MTSS1: variants seen among roughly 807,000 people sequenced by gnomAD.
The protein encoded by MTSS1 is protein MTSS 1.
MTSS1 carries 18 observed loss-of-function variants against 79.0 expected under a neutral mutation model. That is an observed-to-expected ratio of 0.23 (90% confidence interval 0.16 to 0.34). The LOEUF (loss-of-function observed/expected upper bound fraction) is 0.34, where lower values mean the gene tolerates loss of function less well. MTSS1 is among the 10% of genes least tolerant of loss of function. The probability of loss-of-function intolerance (pLI) is 1.00; values close to 1 mark genes in which losing one functional copy is unlikely to be tolerated. For missense variants in MTSS1, 815 were observed against 986.2 expected, an observed-to-expected ratio of 0.83 and a Z score of 2.33; for synonymous variants, 341 against 368.6, an observed-to-expected ratio of 0.93 and a Z score of 0.86.
chr8:124,691,868 T>C (rs1387937550), intron 3 of MTSS1, among the ~76,000 whole-genome samples: 1 of 152,168 alleles, frequency 6.6e-6, no homozygotes, highest in Non-Finnish European at 1.5e-5. Flanking sequence ...CATTCCTTTA[T>C]GGTAATATTC....
rs978992107 is a variant in MTSS1, at chr8:124,551,167, C to T, written c.*1825G>A. 1 of 152,576 alleles carries T rather than the reference C, an allele frequency of 6.6e-6. No individual in the cohort carries two copies. The highest frequency in any genetic ancestry group is 1.5e-5 in the Non-Finnish European group (1 of 68,028). The allele number at this position is 152,576 out of a possible 1,614,324, so 9.5% of individuals were successfully genotyped here. ...TTTATTTCAAAGGTTTAAAATACCACTTTTATCTATTGTGATTACCTTGCA... is the reference window on the plus strand; with the variant it reads ...TTTATTTCAAAGGTTTAAAATACCATTTTTATCTATTGTGATTACCTTGCA... On this transcript the variant is annotated 3_prime_UTR_variant, in exon 14 of 14. Transcript: ENST00000518547.
At chr8:124,691,811 C>T (rs755694379) in intron 3 of MTSS1, among the ~76,000 whole-genome samples, 132 of 152,270 alleles carry the variant, frequency 8.7e-4, no homozygotes, top group South Asian at 1.7e-3. Flanking sequence ...CCACCGCATC[C>T]GGCTGATATA....
chr8:124,634,365 T>C (rs1385160825), intron 3 of MTSS1, among the ~76,000 whole-genome samples: 6 of 151,976 alleles, frequency 3.9e-5, no homozygotes, highest in Admixed American at 3.9e-4. Flanking sequence ...CAGGCTGGTC[T>C]CAAACTCCTC....
At chr8:124,602,188 C>CATACATATATATATATATATATAT (rs1554665864) in intron 3 of MTSS1, among the ~76,000 whole-genome samples, 4 of 116,786 alleles carry the variant, frequency 3.4e-5, no homozygotes, top group African/African-American at 1.7e-4. Flanking sequence ...CATATATATA[C>CATACATATATATATATATATATAT]ATATATATAT....
chr8:124,718,168 G>A (rs1253499076), intron 1 of MTSS1, among the ~76,000 whole-genome samples: 1 of 151,474 alleles, frequency 6.6e-6, no homozygotes, highest in South Asian at 2.1e-4. Context: ...TTACTTAACT[G>A]AAGTTTCTAG....
rs1263672151 is a variant in MTSS1, at chr8:124,727,643, G to A, written c.72+241C>T. On this transcript the variant is annotated intron_variant, in intron 1 of 13. Coordinates refer to ENST00000518547, the MANE Select transcript of MTSS1 (RefSeq NM_014751.6). The surrounding 1 kb of genome is among the most constrained non-coding windows in gnomAD (Gnocchi z 4.7). Reference sequence around the variant, plus strand: ...AAATGGTGCCGCCCCCTGGGACAATGAGCGGGGGAGATGGCGTGGGACAGC... The same window carrying A: ...AAATGGTGCCGCCCCCTGGGACAATAAGCGGGGGAGATGGCGTGGGACAGC... 3.1e-6 allele frequency: 2 copies of A among 655,212 alleles called. No homozygotes were observed. The highest frequency in any genetic ancestry group is 5.6e-6 in the Non-Finnish European group (2 of 354,702). The allele number at this position is 655,212 out of a possible 1,614,324, so 40.6% of individuals were successfully genotyped here.
At chr8:124,703,701 G>C (rs950612814) in intron 2 of MTSS1, among the ~76,000 whole-genome samples, 27 of 152,308 alleles carry the variant, frequency 1.8e-4, no homozygotes, top group African/African-American at 6.3e-4. Context: ...CCATTTAGTA[G>C]TGATGTGACT....
rs146742280 is a variant in MTSS1, at chr8:124,556,332, G to T, written c.1304C>A (p.Pro435Gln). The T allele has an allele frequency of 5.0e-6, 8 of 1,614,052 alleles. No homozygotes were observed. The African/African-American group carries it at 1.1e-4, about 22-fold the overall frequency. ...TLQRRKEKRE[P>Q]DPNGGGPTTA... is the part of the protein sequence containing the mutation. ...AGTGGGTCCTCCCCCGTTGGGGTCC[G>T]GTTCTCGCTTCTCTTTGCGGCGCTG... Residue 435 changes from proline (P) to glutamine (Q), a missense_variant, in exon 12 of 14, where the codon CCG (proline) becomes CAG (glutamine). By Grantham distance (76) the Pro-to-Gln change is moderately conservative. Transcript: ENST00000518547.
chr8:124,556,135 G>T, intron 12 of MTSS1, 97 bp downstream of exon 12: 1 of 1,582,410 alleles, frequency 6.3e-7, no homozygotes. Flanking sequence ...GGTCCCTCCA[G>T]CTGCAAGGCT....
chr8:124,692,299 G>A (rs1198833633), intron 3 of MTSS1, among the ~76,000 whole-genome samples: 3 of 151,560 alleles, frequency 2.0e-5, no homozygotes, highest in African/African-American at 4.9e-5. Flanking sequence ...CAAATGATTC[G>A]AACTTTACAC....
intron 1 of MTSS1, among the ~76,000 whole-genome samples, chr8:124,708,588 C>T (rs1247526707): frequency 1.3e-5 from 2 of 152,174 alleles, no homozygotes; most frequent in Non-Finnish European, 2.9e-5. Flanking sequence ...GGGTGGAGTA[C>T]TCAACCCTGA....
At chr8:124,617,727 T>C (rs1179432119) in intron 3 of MTSS1, among the ~76,000 whole-genome samples, 1 of 152,148 alleles carries the variant, frequency 6.6e-6, no homozygotes. Flanking sequence ...TGGAGCTCAG[T>C]GACCTCAGAG....
chr8:124,598,592 A>C (rs1017115841), intron 3 of MTSS1, among the ~76,000 whole-genome samples: 1 of 152,194 alleles, frequency 6.6e-6, no homozygotes, highest in Non-Finnish European at 1.5e-5. Context: ...AAAAGCTATT[A>C]AGTTCACTGC....
intron 3 of MTSS1, among the ~76,000 whole-genome samples, chr8:124,653,498 T>A (rs1457307699): frequency 6.6e-6 from 1 of 151,946 alleles, no homozygotes; most frequent in Non-Finnish European, 1.5e-5. Flanking sequence ...CCAAGGCGGG[T>A]GGATCACCTG....
At chr8:124,637,394 A>T (rs560034426) in intron 3 of MTSS1, among the ~76,000 whole-genome samples, 6 of 152,316 alleles carry the variant, frequency 3.9e-5, no homozygotes, top group Admixed American at 3.9e-4. Context: ...TAGAGTGAGG[A>T]ATATACAGGA....
At chr8:124,707,396 AAAAAAAAC>A (rs910653854) in intron 1 of MTSS1, among the ~76,000 whole-genome samples, 8 of 9,284 alleles carry the variant, frequency 8.6e-4, no homozygotes, top group African/African-American at 1.2e-3. Context: ...AAAATACAAA[AAAAAAAAC>A]AAACAAACAA....
At chr8:124,726,786 C>T (rs1833761928) in intron 1 of MTSS1, among the ~76,000 whole-genome samples, 1 of 152,188 alleles carries the variant, frequency 6.6e-6, no homozygotes, top group African/African-American at 2.4e-5. Flanking sequence ...CCTGCCCACT[C>T]GTTTTGGAAG....
chr8:124,624,717 A>T (rs1814310955), intron 3 of MTSS1, among the ~76,000 whole-genome samples: 1 of 152,212 alleles, frequency 6.6e-6, no homozygotes, highest in South Asian at 2.1e-4. Context: ...CGCTGAAATA[A>T]ATGTCTGTTC....
chr8:124,687,530 T>C (rs1045215199), intron 3 of MTSS1, among the ~76,000 whole-genome samples: 14 of 152,200 alleles, frequency 9.2e-5, no homozygotes, highest in Admixed American at 7.9e-4. Flanking sequence ...GATCTGGTTC[T>C]GTGAGTGGGT....
Sources: gnomAD v4.1 joint callset for allele counts (sites outside exome capture counted in the v4.1 genomes callset) on GRCh38, gnomAD v4.1.1 for gene constraint, Gnocchi (gnomAD v3.1) non-coding constraint, MANE v1.5 for transcripts, NCBI Gene and HGNC (gene_info 2026-07-23, HGNC 2026-07-21) for gene names.